ITPK1: variants seen among roughly 807,000 people sequenced by gnomAD.
ITPK1 encodes inositol 1,3,4-trisphosphate 5/6-kinase.
ITPK1 carries 21 observed loss-of-function variants against 45.3 expected under a neutral mutation model. The observed-to-expected ratio is 0.46, with a 90% CI of 0.33 to 0.67. The LOEUF (loss-of-function observed/expected upper bound fraction) is 0.67, where lower values mean the gene tolerates loss of function less well. ITPK1 is among the 30% of genes least tolerant of loss of function. The pLI, the probability that ITPK1 is intolerant of heterozygous loss-of-function variation, is 0.02. For missense variants in ITPK1, 474 were observed against 573.5 expected (o/e 0.83, Z 1.77); for synonymous variants, 258 against 253.6 (o/e 1.02, Z -0.16).
intron 1 of ITPK1, among the ~76,000 whole-genome samples, 160 bp from the exon 2 acceptor site, chr14:93,115,465 G>T (rs1892912282): frequency 1.3e-5 from 2 of 148,726 alleles, no homozygotes; most frequent in Admixed American, 1.3e-4. Flanking sequence ...GCGCCGCGCC[G>T]CCCGGCCTGC....
At chr14:93,064,895 A>C (rs1200606865) in intron 3 of ITPK1, among the ~76,000 whole-genome samples, 3 of 152,148 alleles carry the variant, frequency 2.0e-5, no homozygotes, top group Non-Finnish European at 4.4e-5. Flanking sequence ...GCCAAGTTAC[A>C]ACTCTGGATT....
chr14:93,100,515 G>C (rs1032029813), intron 2 of ITPK1, among the ~76,000 whole-genome samples: 1 of 151,528 alleles, frequency 6.6e-6, no homozygotes, highest in African/African-American at 2.4e-5. Flanking sequence ...GAAGCAGGGA[G>C]GGGGCCGGGG....
chr14:93,095,704 G>A (rs1892050333), intron 2 of ITPK1, among the ~76,000 whole-genome samples: 1 of 151,922 alleles, frequency 6.6e-6, no homozygotes, highest in Admixed American at 6.6e-5. Flanking sequence ...CAGGTACTGA[G>A]CATAGTACCC....
intron 3 of ITPK1, among the ~76,000 whole-genome samples, chr14:93,062,009 G>A (rs1259898218): frequency 6.6e-6 from 1 of 152,158 alleles, no homozygotes; most frequent in Non-Finnish European, 1.5e-5. Context: ...GGTGGCTCGC[G>A]CCTGTAATCC....
intron 3 of ITPK1, among the ~76,000 whole-genome samples, chr14:93,048,448 G>A (rs1282772238): frequency 6.6e-6 from 1 of 152,208 alleles, no homozygotes; most frequent in African/African-American, 2.4e-5. Context: ...GGAGTCTCCA[G>A]GGTGTTTCAA....
chr14:93,076,561 C>T lies in ITPK1; in HGVS notation c.120+34G>A, dbSNP rs1413100532. 1 of 1,613,600 alleles carries T rather than the reference C, an allele frequency of 6.2e-7. No homozygotes were observed. The highest frequency in any genetic ancestry group is 1.7e-5 in the Admixed American group (1 of 59,990). On this transcript the variant is annotated intron_variant, in intron 3 of 10. Transcript: ENST00000267615. This position sits in a 1 kb window ranked among gnomAD's most constrained non-coding sequence, Gnocchi z 4.3. The stretch of plus-strand genomic sequence containing the variant: ...GAGGTGGGCACCAAGGGCCCCACTA[C>T]CCAAAGAACCACGGGGACGCGGTCT...
chr14:93,012,598 G>A lies in ITPK1; in HGVS notation c.246+4078C>T, dbSNP rs1281894729. 6.6e-6 allele frequency among the ~76,000 whole-genome samples: 1 copy of A among 152,182 alleles called. No individual in the cohort carries two copies. The highest frequency in any genetic ancestry group is 2.4e-5 in the African/African-American group (1 of 41,440). ...TTTTTCCTAACTCATCACTTTAGGG[G>A]CCGTGAGGTCAGTTCTGGGTCTGCC... On this transcript the variant is annotated intron_variant, in intron 4 of 10. Transcript: ENST00000267615. This position sits in a 1 kb window ranked among gnomAD's most constrained non-coding sequence, Gnocchi z 4.9.
intron 3 of ITPK1, among the ~76,000 whole-genome samples, chr14:93,018,623 C>G (rs1888310335): frequency 6.6e-6 from 1 of 152,148 alleles, no homozygotes; most frequent in Non-Finnish European, 1.5e-5. Flanking sequence ...TACAAAACAA[C>G]ATAAAATAAA....
chr14:93,111,836 G>C (rs1398486554), intron 2 of ITPK1, among the ~76,000 whole-genome samples: 1 of 152,098 alleles, frequency 6.6e-6, no homozygotes, highest in African/African-American at 2.4e-5. Context: ...CCCAGAGAAA[G>C]GGGAAGAAAC....
Position 93,016,275 on chromosome 14 carries a change from C to T in ITPK1, c.246+401G>A, listed in dbSNP as rs1888173347. Among the ~76,000 whole-genome samples the T allele has an allele frequency of 6.6e-6, 1 of 152,156 alleles. No individual in the cohort carries two copies. The highest frequency in any genetic ancestry group is 1.5e-5 in the Non-Finnish European group (1 of 68,040). On this transcript the variant is annotated intron_variant, in intron 4 of 10. Transcript: ENST00000267615. The surrounding 1 kb of genome is among the most constrained non-coding windows in gnomAD (Gnocchi z 5.0). ...CAGGGTTCTCCACCAAGGCAGGACT[C>T]AGTTCAAAGGCCCTCGGGGGTCCCC... is the stretch of plus-strand genomic sequence containing the variant.
At position 93,016,911 on chromosome 14, in the gene ITPK1, T is replaced by C; in HGVS notation, c.121-110A>G. 1.4e-6 allele frequency: 2 copies of C among 1,421,230 alleles called. No individual in the cohort carries two copies. Among genetic ancestry groups the C allele is most frequent in the Non-Finnish European group, 1.9e-6 (2 of 1,045,336 alleles). The allele number at this position is 1,421,230 out of a possible 1,614,324, so 88.0% of individuals were successfully genotyped here. On this transcript the variant is annotated intron_variant, in intron 3 of 10. Transcript: ENST00000267615. The surrounding 1 kb of genome is among the most constrained non-coding windows in gnomAD (Gnocchi z 5.0). ...TCACCAGAGGACCCTCGAGCCTCCCTGTAGCACTCTGGAGATGGGGCAGGA... is the reference window on the plus strand; with the variant it reads ...TCACCAGAGGACCCTCGAGCCTCCCCGTAGCACTCTGGAGATGGGGCAGGA...
chr14:92,956,505 C>G (rs945071423), intron 8 of ITPK1, among the ~76,000 whole-genome samples: 1 of 152,084 alleles, frequency 6.6e-6, no homozygotes, highest in Non-Finnish European at 1.5e-5. Context: ...AAGGAGTCCT[C>G]GTCCTCACAG....
chr14:93,082,629 C>G (rs894295022), intron 2 of ITPK1, among the ~76,000 whole-genome samples: 5 of 152,342 alleles, frequency 3.3e-5, no homozygotes, highest in Admixed American at 6.5e-5. Context: ...AGAACTGCCT[C>G]CTCCAGTCCA....
At chr14:93,042,989 G>A (rs957588089) in intron 3 of ITPK1, among the ~76,000 whole-genome samples, 35 of 151,698 alleles carry the variant, frequency 2.3e-4, no homozygotes, top group Non-Finnish European at 5.9e-5. Context: ...CTGCACCCCA[G>A]CCTGGTGACA....
rs1887946482 is a variant in ITPK1, at chr14:93,012,206, G to T, written c.246+4470C>A. Among the ~76,000 whole-genome samples the T allele has an allele frequency of 6.6e-6, 1 of 152,232 alleles. No individual in the cohort carries two copies. The highest frequency in any genetic ancestry group is 2.1e-4 in the South Asian group (1 of 4,834). ...GCAATGGGAACACCAGCTGCTGGGA[G>T]CAGACACAATCCCTGCCGCAGTGAA... On this transcript the variant is annotated intron_variant, in intron 4 of 10. Coordinates refer to ENST00000267615, the MANE Select transcript of ITPK1 (RefSeq NM_014216.6). The surrounding 1 kb of genome is among the most constrained non-coding windows in gnomAD (Gnocchi z 4.9).
At chr14:92,960,232 A>G (rs566521612) in intron 7 of ITPK1, among the ~76,000 whole-genome samples, 1 of 152,212 alleles carries the variant, frequency 6.6e-6, no homozygotes, top group East Asian at 1.9e-4. Flanking sequence ...AGGCGGCTAG[A>G]ATGAGGAGTG....
rs1884873375 is a variant in ITPK1, at chr14:92,958,493, C to A, written c.505-127G>T. The A allele has an allele frequency of 2.4e-6, 2 of 841,672 alleles. No homozygotes were observed. The highest frequency in any genetic ancestry group is 3.3e-5 in the South Asian group (2 of 59,908). 52.1% of individuals were successfully genotyped at this position (841,672 alleles called of 1,614,324 possible). On this transcript the variant is annotated intron_variant, in intron 7 of 10. Transcript: ENST00000267615. The surrounding 1 kb of genome is among the most constrained non-coding windows in gnomAD (Gnocchi z 4.4). ...TCCCTGGTCCTGTGGCATGAGGACT[C>A]CCCTAGAGGAGCCTTGAGCCAGGGT... is the stretch of plus-strand genomic sequence containing the variant.
intron 4 of ITPK1, among the ~76,000 whole-genome samples, chr14:93,013,872 T>C (rs1888041118): frequency 1.3e-5 from 2 of 152,214 alleles, no homozygotes; most frequent in African/African-American, 4.8e-5. Flanking sequence ...TTGCATCTTA[T>C]GGCAGAGGGA....
chr14:92,989,429 C>T (rs1886666116), intron 5 of ITPK1, among the ~76,000 whole-genome samples: 1 of 152,178 alleles, frequency 6.6e-6, no homozygotes, highest in African/African-American at 2.4e-5. Context: ...CTGAGACCTG[C>T]TGTCCCTGAA....
Sources: allele counts gnomAD v4.1 joint callset (sites outside exome capture counted in the v4.1 genomes callset), GRCh38; gene constraint gnomAD v4.1.1; non-coding constraint Gnocchi (gnomAD v3.1); transcripts MANE v1.5; gene names NCBI Gene and HGNC (gene_info 2026-07-23, HGNC 2026-07-21).